TBL1X: variants seen among roughly 807,000 people sequenced by gnomAD.
The protein encoded by TBL1X is transducin beta like 1 X-linked.
In TBL1X, 10 loss-of-function variants were observed where a neutral mutation model predicts 50.7. That is an observed-to-expected ratio of 0.20 (90% CI 0.12 to 0.33). The LOEUF is 0.33. Among genes scored for constraint, TBL1X ranks in the 10% least tolerant of loss-of-function variants. The pLI is 1.00. For synonymous variants in TBL1X, 190 were observed against 214.7 expected, an observed-to-expected ratio of 0.88 and a Z score of 1.01; for missense variants, 340 against 504.4, an observed-to-expected ratio of 0.67 and a Z score of 3.12.
intron 3 of TBL1X, among the ~76,000 whole-genome samples, chrX:9,641,595 T>G (rs1030566161): frequency 8.9e-6 from 1 of 112,620 alleles, no homozygotes; most frequent in African/African-American, 3.2e-5. Context: ...TTGAGGTACT[T>G]TTGTTTAAAG....
intron 2 of TBL1X, among the ~76,000 whole-genome samples, chrX:9,594,666 G>A (rs1438271420): frequency 8.9e-6 from 1 of 112,024 alleles, no homozygotes; most frequent in African/African-American, 3.2e-5. Context: ...TCATTGCATT[G>A]CATTCTATAA....
chrX:9,466,651 A>G (rs776786027), intron 1 of TBL1X, among the ~76,000 whole-genome samples: 11 of 112,601 alleles, frequency 9.8e-5, no homozygotes, highest in Non-Finnish European at 1.7e-4. Context: ...GCGAGGGGGA[A>G]GGAAGGCAAC....
intron 2 of TBL1X, among the ~76,000 whole-genome samples, chrX:9,638,113 GCTTAGAGAGCCC>G (rs1486559961): frequency 2.7e-5 from 3 of 111,372 alleles, no homozygotes; most frequent in Non-Finnish European, 5.7e-5. Context: ...TGTTGTGTCA[GCTTAGAGAGCCC>G]CTTCAAAACC....
At chrX:9,497,278 G>A (rs1477932729) in intron 1 of TBL1X, among the ~76,000 whole-genome samples, 1 of 109,294 alleles carries the variant, frequency 9.1e-6, no homozygotes, top group Non-Finnish European at 1.9e-5. Context: ...GTGTGGTGTT[G>A]TGTGCCTGTA....
chrX:9,711,278 G>C (rs1438304208), intron 15 of TBL1X, among the ~76,000 whole-genome samples: 1 of 107,050 alleles, frequency 9.3e-6, no homozygotes, highest in Non-Finnish European at 1.9e-5. Flanking sequence ...GGAGTTCGAG[G>C]CTGCAGTGAG....
At chrX:9,506,367 C>T (rs923195355) in intron 2 of TBL1X, among the ~76,000 whole-genome samples, 3 of 111,378 alleles carry the variant, frequency 2.7e-5, no homozygotes, top group Non-Finnish European at 5.7e-5. Flanking sequence ...CAAATCAGCA[C>T]CCTAACATCA....
chrX:9,669,968 A>G (rs1292811157), intron 5 of TBL1X, among the ~76,000 whole-genome samples: 3 of 111,838 alleles, frequency 2.7e-5, no homozygotes, highest in Admixed American at 9.5e-5. Context: ...ATTCCTGGCC[A>G]AGCTAACCTG....
chrX:9,705,104 A>G lies in TBL1X; in HGVS notation c.1226A>G (p.Gln409Arg). 1 of 1,212,239 alleles carries G rather than the reference A, an allele frequency of 8.2e-7. No individual in the cohort carries two copies. The highest frequency in any genetic ancestry group is 1.1e-6 in the Non-Finnish European group (1 of 895,616). The change falls in exon 13 of 18, where the codon CAG becomes CGG. Residue 409 changes from glutamine (Q) to arginine (R), a missense_variant. Coordinates refer to ENST00000645353, the MANE Select transcript of TBL1X (RefSeq NM_005647.4). ...TGTGACCGCCCAGTCAAAACCTTCC[A>G]GGGACACACAGTAAGTGAGAGCTCT... Reference protein sequence around the residue: ...LGCDRPVKTFQGHTNEVNAIK... With the variant: ...LGCDRPVKTFRGHTNEVNAIK...
At chrX:9,641,197 T>C (rs898969789) in intron 3 of TBL1X, among the ~76,000 whole-genome samples, 1 of 111,727 alleles carries the variant, frequency 9.0e-6, no homozygotes, top group Non-Finnish European at 1.9e-5. Context: ...TAGAAAATCA[T>C]GGAGATTACT....
intron 2 of TBL1X, among the ~76,000 whole-genome samples, chrX:9,508,736 A>C (rs757913467): frequency 1.3e-3 from 145 of 112,191 alleles, no homozygotes; most frequent in Admixed American, 2.4e-3. Context: ...GCACATATAC[A>C]TCATGGAATA....
At chrX:9,544,081 C>T (rs1170439336) in intron 2 of TBL1X, among the ~76,000 whole-genome samples, 1 of 112,174 alleles carries the variant, frequency 8.9e-6, no homozygotes, top group Admixed American at 9.4e-5. Flanking sequence ...GGGCAAATTA[C>T]TCCAGCAGAT....
At chrX:9,471,736 C>T (rs1025435597) in intron 1 of TBL1X, among the ~76,000 whole-genome samples, 8 of 111,685 alleles carry the variant, frequency 7.2e-5, no homozygotes, top group East Asian at 5.6e-4. Flanking sequence ...ACAATGCTCA[C>T]GGCAAAACTC....
intron 2 of TBL1X, among the ~76,000 whole-genome samples, chrX:9,543,478 C>G (rs2082225643): frequency 9.1e-6 from 1 of 110,347 alleles, no homozygotes; most frequent in Non-Finnish European, 1.9e-5. Context: ...CTCCTCCCCC[C>G]TCCTCCCTCT....
chrX:9,604,715 G>A (rs1403016372), intron 2 of TBL1X, among the ~76,000 whole-genome samples: 1 of 110,856 alleles, frequency 9.0e-6, no homozygotes, highest in Non-Finnish European at 1.9e-5. Flanking sequence ...GCCGAGCGCC[G>A]CTGGCCTGTG....
intron 16 of TBL1X, among the ~76,000 whole-genome samples, chrX:9,712,380 C>A (rs776715020): frequency 8.9e-6 from 1 of 112,817 alleles, no homozygotes; most frequent in Non-Finnish European, 1.9e-5. Context: ...CTCTGTCACC[C>A]AGGCTGGAGT....
At chrX:9,592,441 T>C (rs1476190277) in intron 2 of TBL1X, among the ~76,000 whole-genome samples, 2 of 112,268 alleles carry the variant, frequency 1.8e-5, no homozygotes, top group Non-Finnish European at 3.8e-5. Flanking sequence ...AAAACTTTCA[T>C]GTCTAGTTGC....
intron 12 of TBL1X, among the ~76,000 whole-genome samples, chrX:9,699,037 G>C (rs893900933): frequency 8.9e-6 from 1 of 111,837 alleles, no homozygotes; most frequent in African/African-American, 3.2e-5. Flanking sequence ...TTGGAGTGCA[G>C]TGGTGCGATC....
intron 1 of TBL1X, among the ~76,000 whole-genome samples, chrX:9,488,870 T>C (rs1601709975): frequency 1.8e-5 from 2 of 111,475 alleles, no homozygotes; most frequent in Non-Finnish European, 3.8e-5. Flanking sequence ...GAGTGATTAA[T>C]AGAGACAGTC....
chrX:9,466,555 C>T (rs745835454), intron 1 of TBL1X, among the ~76,000 whole-genome samples: 9 of 112,457 alleles, frequency 8.0e-5, no homozygotes, highest in Middle Eastern at 4.6e-3. Context: ...ACTGTTTCTG[C>T]TTTGCATTGT....
Sources: gnomAD v4.1 joint callset for allele counts (sites outside exome capture counted in the v4.1 genomes callset) on GRCh38, gnomAD v4.1.1 for gene constraint, MANE v1.5 for transcripts, NCBI Gene and HGNC (gene_info 2026-07-23, HGNC 2026-07-21) for gene names.